The following TRDN variants were observed in gnomAD, a reference collection of about 807,000 sequenced individuals.
The protein encoded by TRDN is triadin in skeletal muscle.
A neutral mutation model predicts 149.7 loss-of-function variants in TRDN; 161 were observed. The ratio of observed to expected loss-of-function variants is 1.08; its 90% CI spans 0.95 to 1.23. TRDN has a LOEUF of 1.23. TRDN is among the 50% of genes most tolerant of loss of function. The pLI is 0.00. For synonymous variants in TRDN, 294 were observed against 250.5 expected (o/e 1.17, Z -1.64); for missense variants, 896 against 823.5 (o/e 1.09, Z -1.08).
chr6:123,453,890 G>GGGGTGTGTGT (rs1554241280), intron 10 of TRDN, among the ~76,000 whole-genome samples: 1 of 148,562 alleles, frequency 6.7e-6, no homozygotes, highest in African/African-American at 2.5e-5. Context: ...AAGAAACTGT[G>GGGGTGTGTGT]GTGTGTGTGT....
At chr6:123,489,432 T>C (rs1277555304) in intron 9 of TRDN, 6 of 152,138 alleles carry the variant, frequency 3.9e-5, no homozygotes, top group Non-Finnish European at 7.4e-5. Flanking sequence ...CAATCAGAGT[T>C]TTTTTAGTTT....
At chr6:123,614,303 A>C (rs1415224798) in intron 1 of TRDN, among the ~76,000 whole-genome samples, 6 of 146,386 alleles carry the variant, frequency 4.1e-5, no homozygotes, top group South Asian at 4.2e-4. Context: ...AAAAAAACAA[A>C]AAAAAAAAAA....
rs550700615 is a variant in TRDN at position 123,354,918 on chromosome 6, A to G, written c.1322-2332T>C. ...AACAATAAAATAAAATAAATAAAAT[A>G]ACTATTTTCTTTTAAATTGCACAAA... On this transcript the variant is annotated intron_variant, in intron 20 of 40. Coordinates refer to ENST00000334268, the MANE Select transcript of TRDN (RefSeq NM_006073.4). Among the ~76,000 whole-genome samples, 77 of 151,880 alleles carry G rather than the reference A, an allele frequency of 5.1e-4. 1 individual carries two copies. Among genetic ancestry groups the G allele is most frequent in the African/African-American group, 1.8e-3 (75 of 41,544 alleles).
chr6:123,224,119 T>A lies in TRDN; in HGVS notation c.1988A>T (p.Asp663Val), dbSNP rs554087667. 1.7e-5 allele frequency: 28 copies of A among 1,610,330 alleles called. No homozygotes were observed. The highest frequency in any genetic ancestry group is 2.4e-5 in the Non-Finnish European group (28 of 1,177,806). Residue 663 changes from aspartate (D) to valine (V), a missense_variant, in exon 39 of 41, where the codon GAT becomes GTT. Physicochemically the swap from Asp to Val is radical, Grantham distance 152 (BLOSUM62 -3). Transcript: ENST00000334268. ...TTTAGCTTTCTTTGAAGCTGGTACA[T>A]CTTCAACATCTTCTAGAGTACAGAA... ...KPARVSKDVE[D>V]VPASKKAKEG...
intron 38 of TRDN, among the ~76,000 whole-genome samples, chr6:123,227,950 A>G (rs1025304111): frequency 1.8e-4 from 27 of 151,780 alleles, no homozygotes; most frequent in Admixed American, 1.5e-3. Flanking sequence ...CAAATCTCCT[A>G]TATCAGGGCC....
chr6:123,285,854 G>A (rs1562245744), intron 24 of TRDN, among the ~76,000 whole-genome samples: 1 of 151,792 alleles, frequency 6.6e-6, no homozygotes, highest in Non-Finnish European at 1.5e-5. Context: ...CCATCAAAAA[G>A]TGGGCTAAGG....
At chr6:123,349,930 T>C (rs1780392949) in intron 21 of TRDN, 1 of 981,322 alleles carries the variant, frequency 1.0e-6, no homozygotes, top group Non-Finnish European at 1.2e-6. Context: ...TACAATTATG[T>C]AGGGAACCAT....
chr6:123,375,338 C>T lies in TRDN; in HGVS notation c.1273+267G>A, dbSNP rs762394256. ...ACTGAAGAGTTCACTTATTATACTG[C>T]AAAATGAGAAATAAAAATGTAACAC... On this transcript the variant is annotated intron_variant, in intron 19 of 40. Transcript: ENST00000334268. Among the ~76,000 whole-genome samples the T allele has an allele frequency of 1.1e-4, 17 of 151,950 alleles. 1 individual carries two copies. Among genetic ancestry groups the T allele is most frequent in the Admixed American group, 9.2e-4 (14 of 15,240 alleles).
chr6:123,548,191 C>T (rs1231319382), intron 3 of TRDN, among the ~76,000 whole-genome samples: 1 of 151,908 alleles, frequency 6.6e-6, no homozygotes. Flanking sequence ...TAATGAGACT[C>T]CCTTTGCTGT....
At chr6:123,315,721 T>A (rs1246294075) in intron 24 of TRDN, among the ~76,000 whole-genome samples, 2 of 151,906 alleles carry the variant, frequency 1.3e-5, no homozygotes, top group African/African-American at 4.8e-5. Context: ...TGAATTAGGA[T>A]AAGCCATAGA....
intron 23 of TRDN, among the ~76,000 whole-genome samples, chr6:123,322,845 T>C (rs577658932): frequency 1.3e-5 from 2 of 151,922 alleles, no homozygotes; most frequent in Admixed American, 1.3e-4. Context: ...TTCACCATAT[T>C]AGCCAGGATG....
At chr6:123,254,346 T>C (rs1434932183) in intron 37 of TRDN, among the ~76,000 whole-genome samples, 1 of 152,064 alleles carries the variant, frequency 6.6e-6, no homozygotes, top group South Asian at 2.1e-4. Flanking sequence ...TCTAGTCATT[T>C]CAGGGATACA....
At chr6:123,419,309 A>T (rs570998454) in intron 12 of TRDN, among the ~76,000 whole-genome samples, 1 of 152,300 alleles carries the variant, frequency 6.6e-6, no homozygotes, top group African/African-American at 2.4e-5. Context: ...GGTTAAGCAG[A>T]AGTCAGCATA....
chr6:123,254,393 C>T (rs1776479663), intron 37 of TRDN, among the ~76,000 whole-genome samples: 1 of 151,898 alleles, frequency 6.6e-6, no homozygotes, highest in South Asian at 2.1e-4. Flanking sequence ...CAGTGAAAAA[C>T]AAAGCTTTTT....
chr6:123,449,490 T>G (rs2114647010), intron 10 of TRDN, among the ~76,000 whole-genome samples: 1 of 152,276 alleles, frequency 6.6e-6, no homozygotes, highest in East Asian at 1.9e-4. Context: ...AGACAAGGTC[T>G]TTGAATTAAC....
At chr6:123,357,639 T>A (rs1234616113) in intron 20 of TRDN, among the ~76,000 whole-genome samples, 2 of 152,194 alleles carry the variant, frequency 1.3e-5, no homozygotes, top group Admixed American at 6.5e-5. Context: ...TGACAATTTG[T>A]AACTATAATA....
At chr6:123,248,756 A>G (rs1248126148) in intron 38 of TRDN, among the ~76,000 whole-genome samples, 4 of 152,122 alleles carry the variant, frequency 2.6e-5, no homozygotes, top group African/African-American at 7.2e-5. Flanking sequence ...AAATTCCAGG[A>G]CTGGATGGAT....
At chr6:123,343,113 T>A (rs1780124747) in intron 21 of TRDN, among the ~76,000 whole-genome samples, 1 of 152,062 alleles carries the variant, frequency 6.6e-6, no homozygotes, top group Admixed American at 6.6e-5. Context: ...TATCTGATAG[T>A]CTTCCTGGAC....
At chr6:123,218,789 A>G (rs1775034786) in intron 40 of TRDN, 49 bp from the exon 41 acceptor site, 1 of 1,538,834 alleles carries the variant, frequency 6.5e-7, no homozygotes. Flanking sequence ...AACATGAGCA[A>G]AAAAGCACAG....
Sources: gnomAD v4.1 joint callset for allele counts (sites outside exome capture counted in the v4.1 genomes callset) on GRCh38, gnomAD v4.1.1 for gene constraint, MANE v1.5 for transcripts, NCBI Gene and HGNC (gene_info 2026-07-23, HGNC 2026-07-21) for gene names.